The following PPP3CC variants were observed in gnomAD, a reference collection of about 807,000 sequenced individuals.
PPP3CC encodes the protein serine/threonine-protein phosphatase 2B catalytic subunit gamma isoform.
Under a neutral mutation model 60.3 loss-of-function variants are expected in PPP3CC, and 35 were observed. That is an observed-to-expected ratio of 0.58 (90% CI 0.44 to 0.77). The LOEUF is 0.77. PPP3CC is among the 30% of genes least tolerant of loss of function. The probability of loss-of-function intolerance (pLI) is 0.00; values close to 1 mark genes in which losing one functional copy is unlikely to be tolerated. For synonymous variants in PPP3CC, 206 were observed against 224.3 expected (o/e 0.92, Z 0.73); for missense variants, 570 against 628.9 (o/e 0.91, Z 1.00).
intron 6 of PPP3CC, among the ~76,000 whole-genome samples, chr8:22,522,259 C>T (rs1326404800): frequency 6.6e-6 from 1 of 151,896 alleles, no homozygotes; most frequent in Non-Finnish European, 1.5e-5. Context: ...GATGGAGGAG[C>T]TCTTTCTATT....
chr8:22,465,559 A>G (rs530538403), intron 1 of PPP3CC, among the ~76,000 whole-genome samples: 1 of 152,264 alleles, frequency 6.6e-6, no homozygotes, highest in Non-Finnish European at 1.5e-5. Flanking sequence ...TTGATTATAA[A>G]AGGGCTTAAG....
intron 4 of PPP3CC, among the ~76,000 whole-genome samples, chr8:22,505,652 G>A (rs1453766548): frequency 6.6e-6 from 1 of 152,102 alleles, no homozygotes; most frequent in Non-Finnish European, 1.5e-5. Flanking sequence ...AAATTAATAG[G>A]AGAAGAGCAT....
chr8:22,485,920 C>G (rs571002822), intron 3 of PPP3CC, among the ~76,000 whole-genome samples: 3 of 152,202 alleles, frequency 2.0e-5, no homozygotes, highest in East Asian at 3.9e-4. Context: ...GTAAAATTAG[C>G]CTTAGAATTT....
chr8:22,520,769 T>G (rs1297253485), intron 6 of PPP3CC, among the ~76,000 whole-genome samples: 1 of 152,250 alleles, frequency 6.6e-6, no homozygotes, highest in Non-Finnish European at 1.5e-5. Flanking sequence ...ATGATTATTT[T>G]GGATTCTTTG....
chr8:22,488,430 C>G, intron 3 of PPP3CC, among the ~76,000 whole-genome samples: 1 of 152,146 alleles, frequency 6.6e-6, no homozygotes, highest in Admixed American at 6.6e-5. Flanking sequence ...TAATTACGTA[C>G]AATGATGTTT....
chr8:22,485,196 AC>A (rs1440801858), intron 3 of PPP3CC, among the ~76,000 whole-genome samples: 7 of 152,196 alleles, frequency 4.6e-5, no homozygotes, highest in Admixed American at 2.0e-4. Context: ...AATCCCAAAT[AC>A]ACAAAAACCA....
intron 1 of PPP3CC, among the ~76,000 whole-genome samples, chr8:22,451,159 A>T (rs890098741): frequency 2.4e-5 from 3 of 123,430 alleles, no homozygotes; most frequent in African/African-American, 9.4e-5. Flanking sequence ...TTTTTGAGAC[A>T]GAGTCTCACT....
intron 1 of PPP3CC, among the ~76,000 whole-genome samples, chr8:22,461,115 A>G (rs1837350282): frequency 6.6e-6 from 1 of 152,214 alleles, no homozygotes. Flanking sequence ...AAGTGCTAGG[A>G]TTACAGGCGT....
At chr8:22,449,968 GTGATTATCC>G (rs1836959485) in intron 1 of PPP3CC, among the ~76,000 whole-genome samples, 1 of 151,210 alleles carries the variant, frequency 6.6e-6, no homozygotes, top group Non-Finnish European at 1.5e-5. Context: ...CCGGGTTCAA[GTGATTATCC>G]TGCCTCAGCC....
intron 1 of PPP3CC, among the ~76,000 whole-genome samples, chr8:22,470,018 T>C (rs1837669293): frequency 6.6e-6 from 1 of 151,308 alleles, no homozygotes; most frequent in Admixed American, 6.6e-5. Flanking sequence ...ATATATGATA[T>C]GGGTGATATA....
At chr8:22,451,197 G>A (rs1837013155) in intron 1 of PPP3CC, among the ~76,000 whole-genome samples, 1 of 149,708 alleles carries the variant, frequency 6.7e-6, no homozygotes, top group Non-Finnish European at 1.5e-5. Context: ...GTGCAGTGGC[G>A]CCATCTTGGC....
In PPP3CC at chr8:22,456,195, A is replaced by G. The variant is rs181743646; in HGVS notation, c.49+14737A>G. 7.6e-3 allele frequency among the ~76,000 whole-genome samples: 1,165 copies of G among 152,352 alleles called. 13 individuals are homozygous for G. The highest frequency in any genetic ancestry group is 0.025 in the African/African-American group (1,040 of 41,580). On this transcript the variant is annotated intron_variant, in intron 1 of 13. Transcript: ENST00000240139. ...TCTAAAAATAATAGCTTATAGGCCA[A>G]TAACCTTTAAGGTTTATGTTTCATA... is the stretch of plus-strand genomic sequence containing the variant.
chr8:22,469,784 G>C (rs564690264), intron 1 of PPP3CC, among the ~76,000 whole-genome samples: 12 of 151,882 alleles, frequency 7.9e-5, no homozygotes, highest in Non-Finnish European at 1.3e-4. Flanking sequence ...CAGAAGTTGC[G>C]GAGCAGAGAC....
chr8:22,467,324 A>G (rs896830164), intron 1 of PPP3CC, among the ~76,000 whole-genome samples: 5 of 152,120 alleles, frequency 3.3e-5, no homozygotes, highest in African/African-American at 1.2e-4. Context: ...ATTTGAATGA[A>G]TTAATTGAGG....
intron 3 of PPP3CC, among the ~76,000 whole-genome samples, chr8:22,497,123 G>A (rs987908714): frequency 6.6e-6 from 1 of 152,004 alleles, no homozygotes; most frequent in African/African-American, 2.4e-5. Context: ...TCCGCTTCCC[G>A]GGTTCAAGCG....
intron 3 of PPP3CC, chr8:22,492,911 AC>A: frequency 8.3e-7 from 1 of 1,211,734 alleles, no homozygotes; most frequent in Non-Finnish European, 1.2e-6. Flanking sequence ...TGGAAATGCT[AC>A]CCAGCATCTT....
chr8:22,488,626 A>C (rs1165167217), intron 3 of PPP3CC, among the ~76,000 whole-genome samples: 1 of 152,212 alleles, frequency 6.6e-6, no homozygotes, highest in Non-Finnish European at 1.5e-5. Flanking sequence ...AAAGTCCTTT[A>C]CTGTATTTTC....
chr8:22,486,738 T>G (rs1235800132), intron 3 of PPP3CC, among the ~76,000 whole-genome samples: 2 of 151,510 alleles, frequency 1.3e-5, no homozygotes, highest in African/African-American at 4.8e-5. Flanking sequence ...TTTTGTTTTT[T>G]TTTTTTTTTG....
At chr8:22,535,584 T>C (rs930405293) in intron 12 of PPP3CC, among the ~76,000 whole-genome samples, 2 of 151,970 alleles carry the variant, frequency 1.3e-5, no homozygotes, top group African/African-American at 4.8e-5. Flanking sequence ...CAGCGCCCGG[T>C]TGCTGGGCTC....
Sources: allele counts gnomAD v4.1 joint callset (sites outside exome capture counted in the v4.1 genomes callset), GRCh38; gene constraint gnomAD v4.1.1; transcripts MANE v1.5; gene names NCBI Gene and HGNC (gene_info 2026-07-23, HGNC 2026-07-21).